ZFHX3: variants seen among roughly 807,000 people sequenced by gnomAD.
ZFHX3 encodes zinc finger homeobox protein 3.
In ZFHX3, 42 loss-of-function variants were observed where a neutral mutation model predicts 279.1. That is an observed-to-expected ratio of 0.15 (90% CI 0.12 to 0.19). The LOEUF is 0.19. Ranked by LOEUF, ZFHX3 falls within the 10% of genes least tolerant of loss-of-function variation. The probability of loss-of-function intolerance (pLI) is 1.00; values close to 1 mark genes in which losing one functional copy is unlikely to be tolerated. For synonymous variants in ZFHX3, 2,293 were observed against 1,957.8 expected, an observed-to-expected ratio of 1.17 and a Z score of -4.52; for missense variants, 4,981 against 4,754.0, an observed-to-expected ratio of 1.05 and a Z score of -1.40.
intron 2 of ZFHX3, among the ~76,000 whole-genome samples, chr16:73,654,201 GAT>G (rs1451477127): frequency 7.0e-6 from 1 of 141,966 alleles, no homozygotes; most frequent in Non-Finnish European, 1.5e-5. Context: ...AAAAAAAAAA[GAT>G]AAAAAGAGAA....
At chr16:73,329,694 C>T (rs966464354) in intron 3 of ZFHX3, among the ~76,000 whole-genome samples, 1 of 152,138 alleles carries the variant, frequency 6.6e-6, no homozygotes, top group Non-Finnish European at 1.5e-5. Flanking sequence ...TTGTGTAATC[C>T]TGCATGCATT....
chr16:73,713,598 C>T (rs2053386031), intron 1 of ZFHX3, among the ~76,000 whole-genome samples: 1 of 151,748 alleles, frequency 6.6e-6, no homozygotes, highest in African/African-American at 2.4e-5. Context: ...CCAAACAGCA[C>T]TTTACAGCCA....
chr16:73,026,673 C>CAAAAA (rs10561679), intron 1 of ZFHX3, among the ~76,000 whole-genome samples: 11,106 of 78,340 alleles, frequency 0.14, 611 homozygotes, highest in Non-Finnish European at 0.16. Context: ...AAAACTGCCT[C>CAAAAA]AAAAAAAAAA....
chr16:73,075,148 A>G (rs1008078418), intron 8 of ZFHX3, among the ~76,000 whole-genome samples: 1 of 152,078 alleles, frequency 6.6e-6, no homozygotes, highest in African/African-American at 2.4e-5. Flanking sequence ...CTCTATTATT[A>G]CCTACTAAAA....
rs2035921999 is a variant in ZFHX3, at chr16:72,796,752, C to A, written c.5930G>T (p.Gly1977Val). The change falls in exon 9 of 10, where the codon GGA (glycine) becomes GTA (valine). Residue 1977 changes from glycine to valine, a missense_variant. By Grantham distance (109) the Gly-to-Val change is moderately radical. Around this residue, in one of 7 missense-constraint regions of ZFHX3, gnomAD observed 1,751 missense variants for 1,770.0 expected, o/e 0.99. Transcript: ENST00000268489. Reference sequence around the variant, plus strand: ...ACACTCGAGCTTTTCCAGGTTCTCTCCCTGGTCAGTCTTCCCATTCTTTTT... The same window carrying A: ...ACACTCGAGCTTTTCCAGGTTCTCTACCTGGTCAGTCTTCCCATTCTTTTT... ...VQKKNGKTDQ[G>V]ENLEKLECDS... is the part of the protein sequence containing the mutation. 4 of 1,613,766 alleles carry A rather than the reference C, an allele frequency of 2.5e-6. No individual in the cohort carries two copies. In the Middle Eastern group the frequency reaches 4.9e-4, roughly 200 times the overall value.
At chr16:73,162,338 T>C (rs1420071169) in intron 5 of ZFHX3, among the ~76,000 whole-genome samples, 1 of 152,242 alleles carries the variant, frequency 6.6e-6, no homozygotes, top group Non-Finnish European at 1.5e-5. Flanking sequence ...TTCATGAGAA[T>C]CTAATGCCCA....
chr16:72,859,786 T>C (rs369667497), intron 4 of ZFHX3, among the ~76,000 whole-genome samples: 1 of 152,142 alleles, frequency 6.6e-6, no homozygotes, highest in African/African-American at 2.4e-5. Flanking sequence ...AGCTGGGTTG[T>C]GGTCACTTCT....
chr16:72,968,937 T>A (rs1452129689), intron 1 of ZFHX3, among the ~76,000 whole-genome samples: 1 of 152,138 alleles, frequency 6.6e-6, no homozygotes, highest in African/African-American at 2.4e-5. Flanking sequence ...TATACATACA[T>A]ACACATACAC....
intron 5 of ZFHX3, among the ~76,000 whole-genome samples, chr16:73,188,338 G>T (rs1967960365): frequency 6.6e-6 from 1 of 152,198 alleles, no homozygotes; most frequent in Non-Finnish European, 1.5e-5. Context: ...GCGATTACAG[G>T]CATGAGTCAC....
chr16:72,925,588 T>G (rs1959404911), intron 3 of ZFHX3, among the ~76,000 whole-genome samples: 1 of 152,266 alleles, frequency 6.6e-6, no homozygotes, highest in African/African-American at 2.4e-5. Flanking sequence ...CCCATACCTG[T>G]GTCCACTTAA....
chr16:73,221,297 T>C (rs374093147), intron 5 of ZFHX3, among the ~76,000 whole-genome samples: 1 of 152,222 alleles, frequency 6.6e-6, no homozygotes, highest in African/African-American at 2.4e-5. Context: ...TCACTGTTAA[T>C]ACCTCTATTC....
chr16:73,224,730 G>A (rs2012539409), intron 5 of ZFHX3, among the ~76,000 whole-genome samples: 1 of 152,178 alleles, frequency 6.6e-6, no homozygotes, highest in African/African-American at 2.4e-5. Flanking sequence ...CTCATGTATG[G>A]AAACCTGAAT....
intron 3 of ZFHX3, among the ~76,000 whole-genome samples, chr16:73,328,157 G>C (rs1279212877): frequency 6.6e-6 from 1 of 152,046 alleles, no homozygotes; most frequent in Non-Finnish European, 1.5e-5. Context: ...AAAGAAAATA[G>C]TCTTGGATTC....
chr16:72,897,518 C>G (rs1473810053), intron 3 of ZFHX3, among the ~76,000 whole-genome samples: 3 of 152,100 alleles, frequency 2.0e-5, no homozygotes, highest in African/African-American at 4.8e-5. Context: ...TGGCTTACTA[C>G]AGCCTCAACC....
At chr16:73,032,185 T>C (rs1317024545) in intron 1 of ZFHX3, among the ~76,000 whole-genome samples, 1 of 152,096 alleles carries the variant, frequency 6.6e-6, no homozygotes, top group Non-Finnish European at 1.5e-5. Context: ...CAGTCCGAGC[T>C]ACTCGGGTTG....
chr16:73,794,911 G>A (rs2090193907), intron 1 of ZFHX3, among the ~76,000 whole-genome samples: 1 of 152,172 alleles, frequency 6.6e-6, no homozygotes, highest in Admixed American at 6.5e-5. Context: ...GGTAAATGAA[G>A]GGAGATGCCT....
At chr16:73,690,217 G>A (rs1567552928) in intron 1 of ZFHX3, among the ~76,000 whole-genome samples, 1 of 152,020 alleles carries the variant, frequency 6.6e-6, no homozygotes, top group African/African-American at 2.4e-5. Context: ...TATTTAAGAA[G>A]CACAAACAAG....
At chr16:73,386,837 C>T (rs1484562016) in intron 3 of ZFHX3, 1 of 151,950 alleles carries the variant, frequency 6.6e-6, no homozygotes, top group Non-Finnish European at 1.5e-5. Flanking sequence ...CTACCTGGAA[C>T]TGGCTTAGGG....
At chr16:73,171,502 C>CG (rs1567409096) in intron 5 of ZFHX3, among the ~76,000 whole-genome samples, 4 of 6,936 alleles carry the variant, frequency 5.8e-4, no homozygotes. Flanking sequence ...GCGGGGGGGG[C>CG]GGGGTGGGGG....
Sources: gnomAD v4.1 joint callset for allele counts (sites outside exome capture counted in the v4.1 genomes callset) on GRCh38, gnomAD v4.1.1 for gene constraint, gnomAD v4.1.1 regional missense constraint, MANE v1.5 for transcripts, NCBI Gene and HGNC (gene_info 2026-07-23, HGNC 2026-07-21) for gene names.